The following SAMD12 variants were observed in gnomAD, a reference collection of about 807,000 sequenced individuals.
SAMD12 encodes the protein sterile alpha motif domain containing 12.
In SAMD12, 9 loss-of-function variants were observed where a neutral mutation model predicts 15.0. The observed-to-expected ratio is 0.60, with a 90% CI of 0.36 to 1.05. The LOEUF is 1.05. Ranked by LOEUF, SAMD12 falls within the 50% of genes least tolerant of loss-of-function variation. The probability of loss-of-function intolerance (pLI) is 0.01; values close to 1 mark genes in which losing one functional copy is unlikely to be tolerated. For missense variants in SAMD12, 230 were observed against 234.2 expected, an observed-to-expected ratio of 0.98 and a Z score of 0.12; for synonymous variants, 86 against 90.1, an observed-to-expected ratio of 0.96 and a Z score of 0.25.
At chr8:118,574,405 A>C (rs994887801) in intron 2 of SAMD12, among the ~76,000 whole-genome samples, 1 of 152,212 alleles carries the variant, frequency 6.6e-6, no homozygotes, top group Non-Finnish European at 1.5e-5. Context: ...AGCACTGTTC[A>C]TGTGTTAGAT....
intron 2 of SAMD12, among the ~76,000 whole-genome samples, chr8:118,549,715 A>C (rs1826261638): frequency 6.6e-6 from 1 of 152,176 alleles, no homozygotes; most frequent in Non-Finnish European, 1.5e-5. Flanking sequence ...AGAAGGATTC[A>C]GACGATCAAA....
At chr8:118,448,165 GC>G (rs1412543836) in intron 2 of SAMD12, among the ~76,000 whole-genome samples, 1 of 152,092 alleles carries the variant, frequency 6.6e-6, no homozygotes. Flanking sequence ...TACCTACATG[GC>G]TAATACCCTC....
intron 4 of SAMD12, chr8:118,197,778 G>A (rs1444610604): frequency 3.9e-6 from 6 of 1,553,144 alleles, no homozygotes; most frequent in Non-Finnish European, 5.3e-6. Flanking sequence ...TTTCCTTTAT[G>A]TTTCCAGGCA....
intron 1 of SAMD12, among the ~76,000 whole-genome samples, chr8:118,589,965 A>G (rs1338039972): frequency 1.3e-5 from 2 of 152,190 alleles, no homozygotes; most frequent in Non-Finnish European, 2.9e-5. Context: ...TGAGACAAAC[A>G]TAAGACAACT....
At chr8:118,141,410 G>C in the SAMD12 span, among the ~76,000 whole-genome samples, 1 of 152,238 alleles carries the variant, frequency 6.6e-6, no homozygotes, top group Non-Finnish European at 1.5e-5. Flanking sequence ...GATATGTGAG[G>C]TATGATTGCT....
chr8:118,491,712 T>C (rs900501889), intron 2 of SAMD12, among the ~76,000 whole-genome samples: 2 of 152,174 alleles, frequency 1.3e-5, no homozygotes, highest in Non-Finnish European at 2.9e-5. Flanking sequence ...AACATGTGCA[T>C]GTGTCTGGCT....
At chr8:118,593,303 C>G (rs1402817118) in intron 1 of SAMD12, among the ~76,000 whole-genome samples, 1 of 151,936 alleles carries the variant, frequency 6.6e-6, no homozygotes, top group East Asian at 1.9e-4. Context: ...TTCAATGGAG[C>G]CATTGATAAG....
intron 1 of SAMD12, among the ~76,000 whole-genome samples, chr8:118,581,703 T>C (rs1827301589): frequency 6.6e-6 from 1 of 152,178 alleles, no homozygotes; most frequent in Non-Finnish European, 1.5e-5. Flanking sequence ...ATCAAATAAA[T>C]AGCAATGAAT....
intron 2 of SAMD12, among the ~76,000 whole-genome samples, chr8:118,529,745 C>T (rs556639596): frequency 2.0e-5 from 3 of 152,216 alleles, no homozygotes; most frequent in Admixed American, 6.5e-5. Context: ...TATGGCTGAG[C>T]AGTATTCCAT....
At chr8:118,414,219 C>G (rs1384216897) in intron 3 of SAMD12, among the ~76,000 whole-genome samples, 1 of 152,114 alleles carries the variant, frequency 6.6e-6, no homozygotes, top group African/African-American at 2.4e-5. Flanking sequence ...AATCATTTTC[C>G]TTTAAATAAT....
the SAMD12 span, among the ~76,000 whole-genome samples, chr8:118,132,825 T>C: frequency 6.6e-6 from 1 of 151,692 alleles, no homozygotes; most frequent in Admixed American, 6.6e-5. Flanking sequence ...TACTTACATA[T>C]GTTTTTATTA....
intron 4 of SAMD12, chr8:118,239,751 C>CT (rs949446381): frequency 6.6e-6 from 1 of 152,108 alleles, no homozygotes; most frequent in Non-Finnish European, 1.5e-5. Context: ...AGCAAACACT[C>CT]TTTTTTCATG....
At chr8:118,352,481 G>A (rs888131953) in intron 4 of SAMD12, among the ~76,000 whole-genome samples, 8 of 151,986 alleles carry the variant, frequency 5.3e-5, no homozygotes, top group African/African-American at 1.5e-4. Context: ...GAAGCCTACC[G>A]TCTCCATAGT....
the SAMD12 span, among the ~76,000 whole-genome samples, chr8:118,151,573 A>G: frequency 6.6e-6 from 1 of 152,168 alleles, no homozygotes; most frequent in Non-Finnish European, 1.5e-5. Flanking sequence ...TCACGCCTGT[A>G]ATCCTAACAC....
At chr8:118,568,033 T>C (rs1330894841) in intron 2 of SAMD12, among the ~76,000 whole-genome samples, 1 of 150,904 alleles carries the variant, frequency 6.6e-6, no homozygotes, top group Non-Finnish European at 1.5e-5. Context: ...CTCTAGTGGA[T>C]GATGACCTAA....
intron 2 of SAMD12, among the ~76,000 whole-genome samples, chr8:118,453,692 T>C (rs1200899063): frequency 6.6e-6 from 1 of 152,024 alleles, no homozygotes; most frequent in African/African-American, 2.4e-5. Flanking sequence ...CTAATGTTTT[T>C]ATTTTTTTGT....
exon 5 of SAMD12, chr8:118,194,342 C>T (rs911157141): frequency 5.3e-5 from 8 of 152,050 alleles, no homozygotes; most frequent in African/African-American, 1.4e-4. Context: ...AGAGCCTGAG[C>T]AAGGATTTGA....
intron 4 of SAMD12, among the ~76,000 whole-genome samples, chr8:118,283,984 C>T (rs1158132809): frequency 1.3e-5 from 2 of 152,160 alleles, no homozygotes; most frequent in African/African-American, 4.8e-5. Flanking sequence ...AACTGTATCA[C>T]ATTCTAGAAG....
At chr8:118,336,026 C>T (rs932971091) in intron 4 of SAMD12, among the ~76,000 whole-genome samples, 1 of 152,154 alleles carries the variant, frequency 6.6e-6, no homozygotes, top group African/African-American at 2.4e-5. Context: ...ACCCAGCCCA[C>T]GTTTTCCTTT....
Sources: allele counts gnomAD v4.1 joint callset (sites outside exome capture counted in the v4.1 genomes callset), GRCh38; gene constraint gnomAD v4.1.1; transcripts MANE v1.5; gene names NCBI Gene and HGNC (gene_info 2026-07-23, HGNC 2026-07-21).